RSF1: variants seen among roughly 807,000 people sequenced by gnomAD.
The protein encoded by RSF1 is remodeling and spacing factor 1.
In RSF1, 13 loss-of-function variants were observed where a neutral mutation model predicts 145.2. The ratio of observed to expected loss-of-function variants is 0.09; its 90% confidence interval spans 0.06 to 0.14. The LOEUF (loss-of-function observed/expected upper bound fraction) is 0.14, where lower values mean the gene tolerates loss of function less well. RSF1 is among the 10% of genes least tolerant of loss of function. The pLI, the probability that RSF1 is intolerant of heterozygous loss-of-function variation, is 1.00. For synonymous variants in RSF1, 577 were observed against 592.6 expected (o/e 0.97, Z 0.38); for missense variants, 1,517 against 1,718.2 (o/e 0.88, Z 2.07).
intron 4 of RSF1, 71 bp downstream of exon 4, chr11:77,740,660 A>T (rs1961487393): frequency 7.1e-7 from 1 of 1,408,322 alleles, no homozygotes; most frequent in Non-Finnish European, 1.0e-6. Flanking sequence ...GATAGATAAC[A>T]TCCTAGTTTT....
chr11:77,787,769 T>C (rs961658503), intron 1 of RSF1, among the ~76,000 whole-genome samples: 3 of 149,666 alleles, frequency 2.0e-5, no homozygotes, highest in African/African-American at 7.4e-5. Flanking sequence ...TCTAGCATAG[T>C]AAAATTCAGA....
At chr11:77,800,359 G>A (rs1182167097) in intron 1 of RSF1, among the ~76,000 whole-genome samples, 3 of 151,832 alleles carry the variant, frequency 2.0e-5, no homozygotes, top group African/African-American at 7.3e-5. Flanking sequence ...AGGTGTATTG[G>A]CACACACCTG....
At chr11:77,691,025 C>A in intron 9 of RSF1, 134 bp downstream of exon 9, 2 of 721,230 alleles carry the variant, frequency 2.8e-6, no homozygotes, top group Non-Finnish European at 2.2e-6. Flanking sequence ...AGTACAAAAA[C>A]AAAAAGGAGG....
At chr11:77,825,991 C>T in the RSF1 span, among the ~76,000 whole-genome samples, 2 of 152,126 alleles carry the variant, frequency 1.3e-5, no homozygotes, top group African/African-American at 2.4e-5. Context: ...CGTCTTACTA[C>T]CCATCTTTTT....
chr11:77,818,072 G>T (rs1948798999), intron 1 of RSF1, among the ~76,000 whole-genome samples: 1 of 152,104 alleles, frequency 6.6e-6, no homozygotes, highest in Non-Finnish European at 1.5e-5. Context: ...CTTATGATAG[G>T]ATCTATTATT....
At chr11:77,683,276 C>T (rs181561609) in intron 11 of RSF1, among the ~76,000 whole-genome samples, 1 of 152,144 alleles carries the variant, frequency 6.6e-6, no homozygotes, top group African/African-American at 2.4e-5. Context: ...GGAGACAGAG[C>T]AAGACTCCAT....
chr11:77,732,620 C>T (rs1026204991), intron 4 of RSF1, among the ~76,000 whole-genome samples: 1 of 152,118 alleles, frequency 6.6e-6, no homozygotes. Context: ...GGTTCATTTC[C>T]TGTGAGTGAA....
At chr11:77,695,527 T>C (rs905205131) in intron 7 of RSF1, among the ~76,000 whole-genome samples, 1 of 152,198 alleles carries the variant, frequency 6.6e-6, no homozygotes, top group Non-Finnish European at 1.5e-5. Flanking sequence ...GTTCCAGCCA[T>C]GGACACAATG....
chr11:77,869,323 T>C, the RSF1 span: 1 of 166,320 alleles, frequency 6.0e-6, no homozygotes, highest in Non-Finnish European at 1.3e-5. Context: ...TTTTTTTTTT[T>C]TTTTTTTTAG....
At chr11:77,824,857 G>A (rs564743734), upstream of RSF1, among the ~76,000 whole-genome samples, 2 of 152,318 alleles carry the variant, frequency 1.3e-5, no homozygotes, top group South Asian at 4.1e-4. Context: ...AATTTTAGAA[G>A]TTAATGGTTT....
intron 1 of RSF1, among the ~76,000 whole-genome samples, chr11:77,775,426 C>T (rs971781990): frequency 1.3e-5 from 2 of 152,106 alleles, no homozygotes; most frequent in African/African-American, 2.4e-5. Context: ...TATCACTAAC[C>T]GAAGAGGGCT....
chr11:77,682,768 G>C (rs925716837), intron 11 of RSF1, among the ~76,000 whole-genome samples: 3 of 152,210 alleles, frequency 2.0e-5, no homozygotes, highest in Non-Finnish European at 4.4e-5. Context: ...ACAATTGTAA[G>C]TGCTTTCAGG....
Position 77,725,772 on chromosome 11 carries a change from T to C in RSF1, c.579-73A>G, listed in dbSNP as rs1415294569. 25 of 1,177,124 alleles carry C rather than the reference T, an allele frequency of 2.1e-5. No individual in the cohort carries two copies. The South Asian group carries it at 3.9e-4, about 19-fold the overall frequency. 72.9% of individuals were successfully genotyped at this position (1,177,124 alleles called of 1,614,324 possible). A position where few individuals can be genotyped will look rare whatever the true frequency, so the allele number is the denominator to read the frequency against. On this transcript the variant is annotated intron_variant, in intron 4 of 15. Transcript: ENST00000308488. Reference sequence around the variant, plus strand: ...TAGAGAACTTTCTGAATAATACCAATAGAAATTAAAATAAAAAAAGAAAAA... The same window carrying C: ...TAGAGAACTTTCTGAATAATACCAACAGAAATTAAAATAAAAAAAGAAAAA...
upstream of RSF1, among the ~76,000 whole-genome samples, chr11:77,822,414 CA>C (rs66463325): frequency 0.021 from 1,598 of 74,708 alleles, 11 homozygotes; most frequent in African/African-American, 0.074. Flanking sequence ...GACTCCACCT[CA>C]AAAAAAAAAA....
chr11:77,736,555 A>C (rs1477204939), intron 4 of RSF1, among the ~76,000 whole-genome samples: 3 of 152,198 alleles, frequency 2.0e-5, no homozygotes, highest in Admixed American at 2.0e-4. Context: ...AAATTATTAC[A>C]ATGTTTTCTA....
chr11:77,729,169 T>C (rs1349934629), intron 4 of RSF1, among the ~76,000 whole-genome samples: 2 of 152,214 alleles, frequency 1.3e-5, no homozygotes, highest in Non-Finnish European at 2.9e-5. Context: ...TCTCTCATCA[T>C]TAATAACCAA....
intron 4 of RSF1, among the ~76,000 whole-genome samples, chr11:77,726,586 TCAGA>T (rs1470300538): frequency 1.3e-5 from 2 of 152,150 alleles, no homozygotes; most frequent in African/African-American, 4.8e-5. Flanking sequence ...AGAAATGCTG[TCAGA>T]CAGTGCATAA....
intron 2 of RSF1, among the ~76,000 whole-genome samples, chr11:77,749,386 T>C (rs1948036361): frequency 1.3e-5 from 2 of 152,092 alleles, no homozygotes; most frequent in African/African-American, 4.8e-5. Context: ...ATGAAGCACT[T>C]ATTGAGTGCT....
intron 1 of RSF1, among the ~76,000 whole-genome samples, chr11:77,819,608 A>G (rs1466011869): frequency 6.6e-6 from 1 of 152,194 alleles, no homozygotes; most frequent in Non-Finnish European, 1.5e-5. Flanking sequence ...ACCTTCTTCA[A>G]CTGTTTCCCC....
Sources: gnomAD v4.1 joint callset for allele counts (sites outside exome capture counted in the v4.1 genomes callset) on GRCh38, gnomAD v4.1.1 for gene constraint, MANE v1.5 for transcripts, NCBI Gene and HGNC (gene_info 2026-07-23, HGNC 2026-07-21) for gene names.